IRAK4: variants seen among roughly 807,000 people sequenced by gnomAD.
The protein encoded by IRAK4 is interleukin-1 receptor-associated kinase 4.
In IRAK4, 44 loss-of-function variants were observed where a neutral mutation model predicts 51.8. The ratio of observed to expected loss-of-function variants is 0.85; its 90% CI spans 0.67 to 1.09. IRAK4 has a LOEUF of 1.09. Ranked by LOEUF, IRAK4 falls within the 50% of genes least tolerant of loss-of-function variation. IRAK4 has a pLI of 0.00. For missense variants in IRAK4, 487 were observed against 538.0 expected (o/e 0.91, Z 0.94); for synonymous variants, 149 against 174.1 (o/e 0.86, Z 1.13).
chr12:43,763,795 A>G (rs1939827934), intron 1 of IRAK4, among the ~76,000 whole-genome samples: 1 of 149,704 alleles, frequency 6.7e-6, no homozygotes, highest in African/African-American at 2.5e-5. Flanking sequence ...CCATTCACTC[A>G]CTTTTTCACT....
intron 10 of IRAK4, 28 bp downstream of exon 10, chr12:43,783,752 C>A: frequency 6.8e-7 from 1 of 1,465,700 alleles, no homozygotes; most frequent in Non-Finnish European, 9.5e-7. Flanking sequence ...TTTCCTCAAT[C>A]CTTTTTTCTC....
rs4251576 is a variant in IRAK4 at position 43,776,561 on chromosome 12, C to T, written c.717-1069C>T. ...TAAAACACTTATCATGTGCCAGATA[C>T]GTTTCTAGGCTGTCATGTTTACATT... On this transcript the variant is annotated intron_variant, in intron 6 of 11. Transcript: ENST00000613694. 6.6e-3 allele frequency among the ~76,000 whole-genome samples: 998 copies of T among 152,302 alleles called. 4 individuals carry two copies. The highest frequency in any genetic ancestry group is 0.01 in the Non-Finnish European group (705 of 68,026).
intron 10 of IRAK4, among the ~76,000 whole-genome samples, chr12:43,785,294 T>C (rs1050176773): frequency 1.3e-5 from 2 of 152,148 alleles, no homozygotes; most frequent in African/African-American, 4.8e-5. Flanking sequence ...CACGATCTTA[T>C]TCCTACACTT....
At chr12:43,779,478 A>T (rs1429531487) in intron 8 of IRAK4, among the ~76,000 whole-genome samples, 2 of 152,114 alleles carry the variant, frequency 1.3e-5, no homozygotes, top group Non-Finnish European at 2.9e-5. Context: ...GATGATTTTA[A>T]CTCTAGTGTA....
chr12:43,779,002 A>G (rs1166574373), intron 8 of IRAK4, among the ~76,000 whole-genome samples: 4 of 152,150 alleles, frequency 2.6e-5, no homozygotes, highest in African/African-American at 9.7e-5. Context: ...GATGAGTTAC[A>G]AGAAATGAAA....
chr12:43,783,600 C>T, intron 9 of IRAK4, 62 bp from the exon 10 acceptor site: 1 of 1,021,156 alleles, frequency 9.8e-7, no homozygotes, highest in Non-Finnish European at 1.5e-6. Context: ...GGATTACAGG[C>T]GTTAGCCACT....
Position 43,778,239 on chromosome 12 carries a change from AG to A in IRAK4, c.881del (p.Gly294ValfsTer51). On this transcript the variant is annotated frameshift_variant, in exon 8 of 12. Transcript: ENST00000613694. LOFTEE classifies it high-confidence loss of function. ...LSWHMRCKIA[Q>X]GAANGINFLH... ...TGGCACATGAGATGCAAGATTGCTCAGGGTGCAGCTAATGGCATCAATTTTC... is the reference window on the plus strand; with the variant it reads ...TGGCACATGAGATGCAAGATTGCTCAGGTGCAGCTAATGGCATCAATTTTC... The A allele has an allele frequency of 6.2e-7, 1 of 1,612,066 alleles. No individual in the cohort carries two copies. The highest frequency in any genetic ancestry group is 8.5e-7 in the Non-Finnish European group (1 of 1,178,180).
At chr12:43,771,424 A>G in intron 3 of IRAK4, 59 bp downstream of exon 3, 1 of 1,551,310 alleles carries the variant, frequency 6.4e-7, no homozygotes, top group South Asian at 1.1e-5. Context: ...TGGCAGAAAT[A>G]TAAATGTTTC....
At chr12:43,773,427 T>C (rs915046515) in intron 5 of IRAK4, among the ~76,000 whole-genome samples, 5 of 152,128 alleles carry the variant, frequency 3.3e-5, no homozygotes, top group Non-Finnish European at 5.9e-5. Flanking sequence ...CTTTTCCCAT[T>C]TAAAAATAAA....
At chr12:43,773,724 G>T in intron 5 of IRAK4, 12 of 315,416 alleles carry the variant, frequency 3.8e-5, no homozygotes, top group Middle Eastern at 9.6e-4. Flanking sequence ...GTGAAATTTC[G>T]TGTTATTTCA....
chr12:43,771,278 T>C lies in IRAK4; in HGVS notation c.220T>C (p.Trp74Arg). ...TCCCACTTCTGAATTACTGTTTGACTGGGGCACCACAAATTGCACAGTTGG... is the reference window on the plus strand; with the variant it reads ...TCCCACTTCTGAATTACTGTTTGACCGGGGCACCACAAATTGCACAGTTGG... ...KSPTSELLFD[W>R]GTTNCTVGDL... The change falls in exon 3 of 12, where the codon TGG becomes CGG. Residue 74 changes from tryptophan (W) to arginine (R), a missense_variant. Transcript: ENST00000613694. 1 of 1,613,922 alleles carries C rather than the reference T, an allele frequency of 6.2e-7. No homozygotes were observed. Among genetic ancestry groups the C allele is most frequent in the South Asian group, 1.1e-5 (1 of 91,082 alleles).
chr12:43,777,898 T>G (rs1388039572), intron 7 of IRAK4, among the ~76,000 whole-genome samples, 154 bp downstream of exon 7: 5 of 152,334 alleles, frequency 3.3e-5, no homozygotes, highest in Middle Eastern at 3.4e-3. Flanking sequence ...AATTATACAG[T>G]TGATATGTCA....
In IRAK4 at chr12:43,783,713, C is replaced by G. The variant is rs758688655; in HGVS notation, c.1177C>G (p.Pro393Ala). The change falls in exon 10 of 12, where the codon CCT (proline) becomes GCT (alanine). Residue 393 changes from proline to alanine, a missense_variant. Physicochemically the swap from Pro to Ala is conservative, Grantham distance 27. Transcript: ENST00000613694. The stretch of plus-strand genomic sequence containing the variant: ...TCCAGCTGTGGATGAACACCGTGAA[C>G]CTCAGTTATTGGTAAATGAAATATT... ...GLPAVDEHRE[P>A]QLLLDIKEEI... The G allele has an allele frequency of 5.6e-6, 9 of 1,603,238 alleles. No homozygotes were observed.
chr12:43,784,716 A>G (rs1415248963), intron 10 of IRAK4, among the ~76,000 whole-genome samples: 1 of 152,212 alleles, frequency 6.6e-6, no homozygotes, highest in Non-Finnish European at 1.5e-5. Flanking sequence ...TTCATCATAT[A>G]ATAGTGAAAA....
At chr12:43,766,462 C>T (rs1025890535) in intron 1 of IRAK4, among the ~76,000 whole-genome samples, 1 of 152,098 alleles carries the variant, frequency 6.6e-6, no homozygotes, top group Non-Finnish European at 1.5e-5. Flanking sequence ...ATTTATCACT[C>T]CCTGTCACTG....
chr12:43,787,119 G>C lies in IRAK4; in HGVS notation c.*404G>C. The C allele has an allele frequency of 5.8e-6, 1 of 173,734 alleles. No homozygotes were observed. Among genetic ancestry groups the C allele is most frequent in the Non-Finnish European group, 1.2e-5 (1 of 82,020 alleles). The allele number at this position is 173,734 out of a possible 1,614,324, so 10.8% of individuals were successfully genotyped here. On this transcript the variant is annotated 3_prime_UTR_variant, in exon 12 of 12. Coordinates refer to ENST00000613694, the MANE Select transcript of IRAK4 (RefSeq NM_016123.4). ...TGCTGTGAGCCACTAATAACATTGG[G>C]CTAATATCTGCTGTGCTTCTCTGAC...
At chr12:43,777,539 T>C in intron 6 of IRAK4, 91 bp from the exon 7 acceptor site, 1 of 1,230,808 alleles carries the variant, frequency 8.1e-7, no homozygotes, top group Non-Finnish European at 1.1e-6. Flanking sequence ...TTTTTTGCTC[T>C]TTTTTTCTAT....
intron 1 of IRAK4, among the ~76,000 whole-genome samples, chr12:43,762,399 A>T (rs528011962): frequency 6.6e-6 from 1 of 152,304 alleles, no homozygotes; most frequent in East Asian, 1.9e-4. Context: ...AATTTATAAG[A>T]CTACTAAGCA....
chr12:43,767,673 AT>A (rs963947290), intron 1 of IRAK4, among the ~76,000 whole-genome samples: 1 of 151,856 alleles, frequency 6.6e-6, no homozygotes, highest in African/African-American at 2.4e-5. Context: ...TGTTGCATAA[AT>A]TTTAATTGTA....
Sources: allele counts gnomAD v4.1 joint callset (sites outside exome capture counted in the v4.1 genomes callset), GRCh38; gene constraint gnomAD v4.1.1; transcripts MANE v1.5; gene names NCBI Gene and HGNC (gene_info 2026-07-23, HGNC 2026-07-21).